The following DNAH17 variants were observed in gnomAD, a reference collection of about 807,000 sequenced individuals.
The protein encoded by DNAH17 is axonemal beta dynein heavy chain 17.
In DNAH17, 376 loss-of-function variants were observed where a neutral mutation model predicts 485.6. That is an observed-to-expected ratio of 0.77 (90% CI 0.71 to 0.84). DNAH17 has a LOEUF of 0.84. Ranked by LOEUF, DNAH17 falls within the 40% of genes least tolerant of loss-of-function variation. The pLI is 0.00. For missense variants in DNAH17, 6,370 were observed against 5,839.3 expected (o/e 1.09, Z -2.96); for synonymous variants, 3,031 against 2,405.9 (o/e 1.26, Z -7.60).
chr17:78,524,428 A>G (rs917083600), intron 25 of DNAH17, among the ~76,000 whole-genome samples: 1 of 152,096 alleles, frequency 6.6e-6, no homozygotes, highest in African/African-American at 2.4e-5. Flanking sequence ...ATGAGCCACC[A>G]CACCGGGCCT....
At chr17:78,545,920 G>T (rs892881096) in intron 16 of DNAH17, among the ~76,000 whole-genome samples, 1 of 151,828 alleles carries the variant, frequency 6.6e-6, no homozygotes, top group Non-Finnish European at 1.5e-5. Flanking sequence ...TATTTTATGT[G>T]TATGTATGTA....
intron 13 of DNAH17, among the ~76,000 whole-genome samples, chr17:78,559,849 A>G (rs2092113638): frequency 6.6e-6 from 1 of 151,230 alleles, no homozygotes; most frequent in Admixed American, 6.6e-5. Flanking sequence ...CTGCTCCTGG[A>G]CTGCACCAGG....
Position 78,463,162 on chromosome 17 carries a change from T to G in DNAH17, c.8941-85A>C. On this transcript the variant is annotated intron_variant, in intron 56 of 80. Coordinates refer to ENST00000389840, the MANE Select transcript of DNAH17 (RefSeq NM_173628.4). ...GGCTCCCCAGACTCACCAGGGGCCC[T>G]GGACAAGGTGCCCTGAGACCGCTCT... The G allele has an allele frequency of 3.9e-6, 5 of 1,284,990 alleles. No homozygotes were observed. The South Asian group carries it at 5.3e-5, about 14-fold the overall frequency. 79.6% of individuals were successfully genotyped at this position (1,284,990 alleles called of 1,614,324 possible). A position where few individuals can be genotyped will look rare whatever the true frequency, so the allele number is the denominator to read the frequency against.
At chr17:78,443,395 C>G (rs2087147927) in intron 71 of DNAH17, among the ~76,000 whole-genome samples, 2 of 152,186 alleles carry the variant, frequency 1.3e-5, no homozygotes, top group African/African-American at 2.4e-5. Flanking sequence ...CCCTGGACCT[C>G]GCTGCTCTCC....
chr17:78,502,759 G>C, intron 32 of DNAH17, 61 bp from the exon 33 acceptor site: 1 of 1,597,072 alleles, frequency 6.3e-7, no homozygotes, highest in South Asian at 1.1e-5. Context: ...TGCTAACGCA[G>C]ACATTCCTGC....
In DNAH17 at chr17:78,427,098, A is replaced by G. The variant is rs1247589394; in HGVS notation, c.12599T>C (p.Val4200Ala). The G allele has an allele frequency of 6.4e-7, 1 of 1,573,042 alleles. No homozygotes were observed. Among genetic ancestry groups the G allele is most frequent in the African/African-American group, 1.4e-5 (1 of 73,792 alleles). The change falls in exon 78 of 81, where the codon GTG becomes GCG. Residue 4200 changes from valine to alanine, a missense_variant. Physicochemically the swap from Val to Ala is moderately conservative, Grantham distance 64. Coordinates refer to ENST00000389840, the MANE Select transcript of DNAH17 (RefSeq NM_173628.4). Reference sequence around the variant, plus strand: ...AATCTTCTCCAGGATGTCGTCCAGCACGGCCTTCACCTGGAAGCCAGTCCC... The same window carrying G: ...AATCTTCTCCAGGATGTCGTCCAGCGCGGCCTTCACCTGGAAGCCAGTCCC... ...GVSREEKVKA[V>A]LDDILEKIPE...
At chr17:78,439,066 C>G (rs567160012) in intron 73 of DNAH17, 24 bp downstream of exon 73, 3 of 1,609,688 alleles carry the variant, frequency 1.9e-6, no homozygotes, top group Non-Finnish European at 2.5e-6. Context: ...GAGCCCTTAC[C>G]CTGCAGTGCT....
chr17:78,537,825 G>A (rs2091417900), intron 18 of DNAH17, among the ~76,000 whole-genome samples: 2 of 152,192 alleles, frequency 1.3e-5, no homozygotes, highest in Admixed American at 6.5e-5. Context: ...TATAAAATGA[G>A]GCTAAATATT....
At chr17:78,516,711 A>AAG (rs1301169632) in intron 25 of DNAH17, among the ~76,000 whole-genome samples, 12 of 149,056 alleles carry the variant, frequency 8.1e-5, no homozygotes, top group African/African-American at 2.9e-4. Context: ...AAAAAAAAAA[A>AAG]AGAGAGAGAG....
Position 78,573,036 on chromosome 17 carries a change from A to AG in DNAH17, c.346-143dup, listed in dbSNP as rs2143747229. The AG allele has an allele frequency of 2.2e-5, 15 of 688,236 alleles. No homozygotes were observed. In the South Asian group the frequency reaches 2.9e-4, roughly 13 times the overall value. 42.6% of individuals were successfully genotyped at this position (688,236 alleles called of 1,614,324 possible). On this transcript the variant is annotated intron_variant, in intron 2 of 80. Coordinates refer to ENST00000389840, the MANE Select transcript of DNAH17 (RefSeq NM_173628.4). ...GGGTCCCGCACAGAGCCAGGTCCCCAGGGGGATTCCAAAGACCTGGTGTCT... is the reference window on the plus strand; with the variant it reads ...GGGTCCCGCACAGAGCCAGGTCCCCAGGGGGGATTCCAAAGACCTGGTGTCT...
At chr17:78,516,026 GATTGTTGACATGGGC>G (rs1483508380) in intron 25 of DNAH17, among the ~76,000 whole-genome samples, 1 of 152,228 alleles carries the variant, frequency 6.6e-6, no homozygotes, top group Non-Finnish European at 1.5e-5. Context: ...GGGAATGAGA[GATTGTTGACATGGGC>G]ACTTACAGTG....
chr17:78,555,817 A>G (rs1349137803), intron 14 of DNAH17, among the ~76,000 whole-genome samples: 1 of 152,164 alleles, frequency 6.6e-6, no homozygotes, highest in African/African-American at 2.4e-5. Context: ...CCAACCGTTG[A>G]GGGCCTGAAT....
intron 67 of DNAH17, 48 bp downstream of exon 67, chr17:78,450,634 G>A: frequency 6.9e-6 from 11 of 1,583,876 alleles, no homozygotes; most frequent in Non-Finnish European, 8.6e-6. Context: ...CCGTGGCCCA[G>A]CCTCCCAAGC....
chr17:78,518,168 G>A (rs2090839000), intron 25 of DNAH17, among the ~76,000 whole-genome samples: 1 of 152,150 alleles, frequency 6.6e-6, no homozygotes, highest in Non-Finnish European at 1.5e-5. Context: ...ATGCAAAATG[G>A]TCTAAACAGA....
chr17:78,428,330 G>A, intron 77 of DNAH17, 195 bp downstream of exon 77: 1 of 671,666 alleles, frequency 1.5e-6, no homozygotes, highest in South Asian at 1.7e-5. Flanking sequence ...CCCGAAGCCT[G>A]CAGCTGCCAC....
rs2090019135 is a variant in DNAH17, at chr17:78,495,090, C to A, written c.5911G>T (p.Ala1971Ser). ...AGTTCGAAGTCGGGGACGACCATGG[C>A]ACAGGGCCTGGGGAGGTCAGCGGTG... ...ENLKALFRPC[A>S]MVVPDFELIC... Residue 1971 changes from alanine (A) to serine (S), a missense_variant, in exon 39 of 81, where the codon GCC becomes TCC. By Grantham distance (99) the Ala-to-Ser change is moderately conservative. Coordinates refer to ENST00000389840, the MANE Select transcript of DNAH17 (RefSeq NM_173628.4). 6.2e-7 allele frequency: 1 copy of A among 1,606,794 alleles called. No homozygotes were observed. Among genetic ancestry groups the A allele is most frequent in the Non-Finnish European group, 8.5e-7 (1 of 1,176,860 alleles).
rs137983260 is a variant in DNAH17 at position 78,525,543 on chromosome 17, A to G, written c.3712-382T>C. On this transcript the variant is annotated intron_variant, in intron 24 of 80. Coordinates refer to ENST00000389840, the MANE Select transcript of DNAH17 (RefSeq NM_173628.4). ...AAAATGAGATAATTCAGATAAGCAA[A>G]GAGGAAAAATCCGTAGTGTCCTCTC... 4.1e-3 allele frequency among the ~76,000 whole-genome samples: 625 copies of G among 152,376 alleles called. 10 individuals carry two copies. Among genetic ancestry groups the G allele is most frequent in the African/African-American group, 0.014 (597 of 41,596 alleles).
intron 62 of DNAH17, among the ~76,000 whole-genome samples, chr17:78,457,559 T>C (rs768513518): frequency 2.0e-5 from 3 of 152,108 alleles, no homozygotes; most frequent in Non-Finnish European, 4.4e-5. Flanking sequence ...AAAATTTTTT[T>C]GTAGAGATGG....
chr17:78,497,864 C>T (rs908546918), intron 37 of DNAH17, among the ~76,000 whole-genome samples: 11 of 152,194 alleles, frequency 7.2e-5, no homozygotes, highest in Non-Finnish European at 1.5e-4. Flanking sequence ...GGCTCTCAGC[C>T]GGGCACAACG....
Sources: allele counts gnomAD v4.1 joint callset (sites outside exome capture counted in the v4.1 genomes callset), GRCh38; gene constraint gnomAD v4.1.1; transcripts MANE v1.5; gene names NCBI Gene and HGNC (gene_info 2026-07-23, HGNC 2026-07-21).